The following CALD1 variants were observed in gnomAD, a reference collection of about 807,000 sequenced individuals.
The protein encoded by CALD1 is caldesmon.
CALD1 carries 33 observed loss-of-function variants against 99.9 expected under a neutral mutation model. That is an observed-to-expected ratio of 0.33 (90% CI 0.25 to 0.44). CALD1 has a LOEUF of 0.44. CALD1 is among the 20% of genes least tolerant of loss of function. The probability of loss-of-function intolerance (pLI) is 1.00; values close to 1 mark genes in which losing one functional copy is unlikely to be tolerated. For synonymous variants in CALD1, 310 were observed against 325.0 expected (o/e 0.95, Z 0.50); for missense variants, 861 against 962.1 (o/e 0.89, Z 1.39).
intron 9 of CALD1, among the ~76,000 whole-genome samples, chr7:134,953,198 G>T (rs761677441): frequency 3.8e-4 from 57 of 151,958 alleles, no homozygotes; most frequent in Non-Finnish European, 7.1e-4. Context: ...CATTCTCAAG[G>T]CCAGGTGCGG....
chr7:134,732,703 C>T, the CALD1 span, among the ~76,000 whole-genome samples: 2 of 152,224 alleles, frequency 1.3e-5, no homozygotes, highest in African/African-American at 4.8e-5. Context: ...CCCCAAATGA[C>T]ACTTCCAATT....
At position 134,779,716 on chromosome 7, in the gene CALD1, A is replaced by C; in HGVS notation, c.-163A>C. ...TAAAGAAATCAGTCCTTCCTTTCCG[A>C]CTTAGTCCTCGGGAAGAAGTTTCAG... is the stretch of plus-strand genomic sequence containing the variant. On this transcript the variant is annotated 5_prime_UTR_variant, in exon 1 of 15. Coordinates refer to ENST00000361675, the MANE Select transcript of CALD1 (RefSeq NM_033138.4). 1 of 398,628 alleles carries C rather than the reference A, an allele frequency of 2.5e-6. No individual in the cohort carries two copies. Among genetic ancestry groups the C allele is most frequent in the Middle Eastern group, 6.3e-4 (1 of 1,592 alleles). 24.7% of individuals were successfully genotyped at this position (398,628 alleles called of 1,614,324 possible).
chr7:134,959,939 C>A, intron 11 of CALD1, 35 bp from the exon 12 acceptor site: 1 of 1,607,776 alleles, frequency 6.2e-7, no homozygotes, highest in Non-Finnish European at 8.5e-7. Flanking sequence ...ACAAACTTCC[C>A]AGCACCAATC....
chr7:134,945,685 C>A (rs1806805208), intron 7 of CALD1, among the ~76,000 whole-genome samples: 1 of 152,106 alleles, frequency 6.6e-6, no homozygotes, highest in Non-Finnish European at 1.5e-5. Context: ...TAAGTAATAA[C>A]CTTAACCACA....
chr7:134,839,227 T>C (rs1563035949), intron 1 of CALD1, among the ~76,000 whole-genome samples: 1 of 152,250 alleles, frequency 6.6e-6, no homozygotes, highest in Non-Finnish European at 1.5e-5. Flanking sequence ...GATTCTGAGA[T>C]TGATTGCCTG....
chr7:134,781,949 C>T (rs1427140553), intron 1 of CALD1, among the ~76,000 whole-genome samples: 4 of 152,190 alleles, frequency 2.6e-5, no homozygotes, highest in African/African-American at 7.2e-5. Flanking sequence ...CTAATTGGCT[C>T]CTGTGACTGG....
At chr7:134,713,019 G>A in the CALD1 span, among the ~76,000 whole-genome samples, 1 of 152,174 alleles carries the variant, frequency 6.6e-6, no homozygotes, top group Non-Finnish European at 1.5e-5. Context: ...TATATAACCT[G>A]GGAGAAGGGT....
chr7:134,862,274 G>A (rs1800596134), intron 2 of CALD1, among the ~76,000 whole-genome samples: 1 of 152,154 alleles, frequency 6.6e-6, no homozygotes, highest in South Asian at 2.1e-4. Context: ...TAGTGGATTA[G>A]TCCTATTATA....
chr7:134,939,631 A>G (rs947081479), intron 6 of CALD1, among the ~76,000 whole-genome samples: 1 of 152,210 alleles, frequency 6.6e-6, no homozygotes, highest in Non-Finnish European at 1.5e-5. Flanking sequence ...CTTAAAACTT[A>G]TCAATAAAGA....
intron 2 of CALD1, among the ~76,000 whole-genome samples, chr7:134,859,780 G>A (rs974338395): frequency 6.6e-6 from 1 of 152,180 alleles, no homozygotes; most frequent in Non-Finnish European, 1.5e-5. Context: ...GATAACACTT[G>A]AAGATGCAAC....
chr7:134,818,695 A>G (rs1214736577), intron 1 of CALD1, among the ~76,000 whole-genome samples: 2 of 152,174 alleles, frequency 1.3e-5, no homozygotes. Flanking sequence ...TTGATGGGTC[A>G]TATTTCTCTG....
intron 1 of CALD1, among the ~76,000 whole-genome samples, chr7:134,807,693 T>A (rs1798198406): frequency 6.6e-6 from 1 of 152,190 alleles, no homozygotes; most frequent in African/African-American, 2.4e-5. Context: ...AGTGGAGCGA[T>A]CTCAGCTCAC....
chr7:134,714,917 G>A, the CALD1 span, among the ~76,000 whole-genome samples: 2 of 152,074 alleles, frequency 1.3e-5, no homozygotes, highest in East Asian at 3.9e-4. Context: ...GCTGGTTCTG[G>A]GCAGTTTCCT....
At chr7:134,909,420 C>T (rs191825388) in intron 3 of CALD1, among the ~76,000 whole-genome samples, 10 of 152,356 alleles carry the variant, frequency 6.6e-5, no homozygotes, top group Admixed American at 3.3e-4. Context: ...TGGTGGCTCA[C>T]GCCTGTAATC....
intron 3 of CALD1, among the ~76,000 whole-genome samples, chr7:134,908,529 C>G (rs1001711500): frequency 6.6e-6 from 1 of 152,118 alleles, no homozygotes; most frequent in East Asian, 1.9e-4. Context: ...ACTCATTATA[C>G]GTCAGTGTTT....
intron 1 of CALD1, among the ~76,000 whole-genome samples, chr7:134,803,486 TA>T (rs552796865): frequency 1.3e-5 from 2 of 152,130 alleles, no homozygotes; most frequent in African/African-American, 4.8e-5. Context: ...ATCTTCTATT[TA>T]AAAAAAACTT....
chr7:134,935,526 C>A (rs954294268), intron 5 of CALD1, among the ~76,000 whole-genome samples, 162 bp from the exon 6 acceptor site: 1 of 152,152 alleles, frequency 6.6e-6, no homozygotes, highest in Non-Finnish European at 1.5e-5. Flanking sequence ...AAGAAAATAT[C>A]CCACCTTGCT....
chr7:134,796,609 A>G (rs935106850), intron 1 of CALD1, among the ~76,000 whole-genome samples: 1 of 152,070 alleles, frequency 6.6e-6, no homozygotes, highest in Admixed American at 6.5e-5. Flanking sequence ...AGAGATAGAT[A>G]GAGTCTCACT....
At chr7:134,892,332 C>T (rs556670183) in intron 3 of CALD1, among the ~76,000 whole-genome samples, 1 of 152,164 alleles carries the variant, frequency 6.6e-6, no homozygotes, top group Admixed American at 6.5e-5. Flanking sequence ...CCAAAGCAGA[C>T]AACAGTCGGT....
Sources: gnomAD v4.1 joint callset for allele counts (sites outside exome capture counted in the v4.1 genomes callset) on GRCh38, gnomAD v4.1.1 for gene constraint, MANE v1.5 for transcripts, NCBI Gene and HGNC (gene_info 2026-07-23, HGNC 2026-07-21) for gene names.